CRPPA: variants seen among roughly 807,000 people sequenced by gnomAD.
CRPPA encodes CDP-L-ribitol pyrophosphorylase A.
In CRPPA, 43 loss-of-function variants were observed where a neutral mutation model predicts 52.0. That is an observed-to-expected ratio of 0.83 (90% confidence interval 0.65 to 1.07). The LOEUF is 1.07. Ranked by LOEUF, CRPPA falls within the 50% of genes least tolerant of loss-of-function variation. The pLI is 0.00. For missense variants in CRPPA, 629 were observed against 551.7 expected (o/e 1.14, Z -1.40); for synonymous variants, 250 against 203.5 (o/e 1.23, Z -1.94).
intron 9 of CRPPA, among the ~76,000 whole-genome samples, chr7:16,187,330 T>A (rs1781525453): frequency 6.6e-6 from 1 of 152,206 alleles, no homozygotes; most frequent in African/African-American, 2.4e-5. Flanking sequence ...GGATTTTCTG[T>A]TCCTAAAACT....
chr7:16,382,739 A>G (rs1197056050), intron 2 of CRPPA, among the ~76,000 whole-genome samples: 4 of 151,678 alleles, frequency 2.6e-5, no homozygotes, highest in Non-Finnish European at 4.4e-5. Context: ...CATTTCATTC[A>G]TTTCATCTTC....
rs74662304 is a variant in CRPPA, at chr7:16,278,816, T to A, written c.836-590A>T. ...ATGGTCCGATTTAAAATTTATAAAC[T>A]ATGTAACACAGTGATAGTCACCTCT... is the stretch of plus-strand genomic sequence containing the variant. On this transcript the variant is annotated intron_variant, in intron 5 of 9. Coordinates refer to ENST00000407010, the MANE Select transcript of CRPPA (RefSeq NM_001101426.4). Among the ~76,000 whole-genome samples, 942 of 152,360 alleles carry A rather than the reference T, an allele frequency of 6.2e-3. 12 individuals carry two copies. The highest frequency in any genetic ancestry group is 0.022 in the African/African-American group (917 of 41,594).
intron 9 of CRPPA, among the ~76,000 whole-genome samples, chr7:16,094,719 A>C (rs4535624): frequency 6.6e-5 from 10 of 152,248 alleles, no homozygotes; most frequent in African/African-American, 2.2e-4. Flanking sequence ...ACATTCTTGA[A>C]ATTATGTGAA....
chr7:16,283,145 A>G (rs1236284970), intron 5 of CRPPA, among the ~76,000 whole-genome samples: 1 of 151,858 alleles, frequency 6.6e-6, no homozygotes, highest in African/African-American at 2.4e-5. Context: ...TGTGGGGATT[A>G]CAAAAGGGTC....
At chr7:16,140,859 GT>G (rs1349610110) in intron 9 of CRPPA, among the ~76,000 whole-genome samples, 1 of 152,084 alleles carries the variant, frequency 6.6e-6, no homozygotes, top group East Asian at 1.9e-4. Context: ...TTCATTTATT[GT>G]TTATCGAACT....
chr7:16,249,045 G>A (rs976482437), intron 8 of CRPPA, among the ~76,000 whole-genome samples: 9 of 152,126 alleles, frequency 5.9e-5, no homozygotes, highest in African/African-American at 1.4e-4. Flanking sequence ...GGGAGGGGGC[G>A]TCCACCATTG....
intron 8 of CRPPA, among the ~76,000 whole-genome samples, chr7:16,228,112 T>A: frequency 6.6e-6 from 1 of 151,966 alleles, no homozygotes; most frequent in Non-Finnish European, 1.5e-5. Flanking sequence ...TATATACCAG[T>A]ACTATGTTGT....
At chr7:16,364,378 G>GT (rs1786534851) in intron 3 of CRPPA, among the ~76,000 whole-genome samples, 1 of 152,200 alleles carries the variant, frequency 6.6e-6, no homozygotes, top group Non-Finnish European at 1.5e-5. Context: ...AGGTTGCACT[G>GT]TAAGTTGGTA....
intron 9 of CRPPA, among the ~76,000 whole-genome samples, chr7:16,162,794 A>G (rs1321333325): frequency 6.6e-6 from 1 of 151,962 alleles, no homozygotes. Context: ...GTCTCCCACT[A>G]TTATTGTGTG....
At chr7:16,360,036 G>A (rs1025862469) in intron 3 of CRPPA, among the ~76,000 whole-genome samples, 2 of 152,126 alleles carry the variant, frequency 1.3e-5, no homozygotes, top group African/African-American at 4.8e-5. Flanking sequence ...TTTTGTAGAC[G>A]TTTACAACTG....
intron 3 of CRPPA, among the ~76,000 whole-genome samples, chr7:16,355,375 C>T (rs193264900): frequency 6.6e-5 from 10 of 152,254 alleles, no homozygotes; most frequent in Admixed American, 5.2e-4. Context: ...GTGATTGACC[C>T]GGCAAATGTC....
At chr7:16,120,315 C>T (rs928651717) in intron 9 of CRPPA, among the ~76,000 whole-genome samples, 1 of 152,140 alleles carries the variant, frequency 6.6e-6, no homozygotes, top group African/African-American at 2.4e-5. Flanking sequence ...GATCAAATTT[C>T]TCATCCCCCA....
chr7:16,254,813 GAA>G (rs1783580781), intron 8 of CRPPA, among the ~76,000 whole-genome samples: 1 of 143,834 alleles, frequency 7.0e-6, no homozygotes, highest in Admixed American at 7.0e-5. Context: ...AAGAAAGAAA[GAA>G]AGAAAGAAAG....
At chr7:16,150,439 G>A (rs141157998) in intron 9 of CRPPA, among the ~76,000 whole-genome samples, 259 of 152,214 alleles carry the variant, frequency 1.7e-3, no homozygotes, top group African/African-American at 5.8e-3. Flanking sequence ...TCATTTTGAG[G>A]ATGCTAAATG....
intron 8 of CRPPA, among the ~76,000 whole-genome samples, chr7:16,254,181 A>G (rs1417031648): frequency 6.6e-6 from 1 of 152,274 alleles, no homozygotes; most frequent in South Asian, 2.1e-4. Context: ...ACAGTGTGGC[A>G]ATTCCTCAAG....
intron 2 of CRPPA, among the ~76,000 whole-genome samples, chr7:16,391,193 C>T (rs978028120): frequency 6.6e-5 from 10 of 151,522 alleles, no homozygotes; most frequent in African/African-American, 2.4e-4. Context: ...GCCTCCAAAC[C>T]TGTTCCTACA....
chr7:16,405,417 C>T (rs1382292053), intron 2 of CRPPA, among the ~76,000 whole-genome samples: 2 of 152,074 alleles, frequency 1.3e-5, no homozygotes, highest in East Asian at 1.9e-4. Context: ...ACTTCATAGC[C>T]TATTTCTATT....
intron 9 of CRPPA, among the ~76,000 whole-genome samples, chr7:16,195,700 A>G (rs774460947): frequency 3.3e-5 from 5 of 152,142 alleles, no homozygotes; most frequent in Admixed American, 6.6e-5. Context: ...ACTTCTTCTC[A>G]AGGAATCTCA....
At chr7:16,318,312 T>C (rs566920334) in intron 3 of CRPPA, among the ~76,000 whole-genome samples, 3 of 152,174 alleles carry the variant, frequency 2.0e-5, no homozygotes, top group Non-Finnish European at 4.4e-5. Flanking sequence ...TGTTTTACTA[T>C]CTTAACTTTT....
Sources: allele counts gnomAD v4.1 joint callset (sites outside exome capture counted in the v4.1 genomes callset), GRCh38; gene constraint gnomAD v4.1.1; transcripts MANE v1.5; gene names NCBI Gene and HGNC (gene_info 2026-07-23, HGNC 2026-07-21).